The following OR2V1 variants were observed in gnomAD, a reference collection of about 807,000 sequenced individuals.
OR2V1 encodes olfactory receptor 2V1.
Under a neutral mutation model 15.0 loss-of-function variants are expected in OR2V1, and 18 were observed. That is an observed-to-expected ratio of 1.20 (90% CI 0.83 to 1.78). The LOEUF (loss-of-function observed/expected upper bound fraction) is 1.78. Ranked by LOEUF, OR2V1 falls within the 40% of genes most tolerant of loss-of-function variation. The pLI, the probability that OR2V1 is intolerant of heterozygous loss-of-function variation, is 0.00. For synonymous variants in OR2V1, 144 were observed against 146.1 expected (o/e 0.99, Z 0.10); for missense variants, 359 against 392.9 (o/e 0.91, Z 0.73).
intron 1 of OR2V1, chr5:181,130,545 G>T (rs1430839734): frequency 8.1e-5 from 25 of 307,918 alleles, no homozygotes; most frequent in Non-Finnish European, 1.2e-4. Flanking sequence ...CTGGCCAGGT[G>T]GCAGAACCGC....
intron 2 of OR2V1, 98 bp downstream of exon 2, chr5:181,130,075 A>C (rs1762941879): frequency 5.0e-6 from 2 of 398,588 alleles, no homozygotes; most frequent in Non-Finnish European, 8.8e-6. Flanking sequence ...GAGGAAGAGC[A>C]AGTGCTGATG....
chr5:181,126,043 T>C (rs1762867215), intron 3 of OR2V1, among the ~76,000 whole-genome samples: 1 of 152,216 alleles, frequency 6.6e-6, no homozygotes, highest in Admixed American at 6.5e-5. Flanking sequence ...CTTTAGTCTT[T>C]ACTTTGTTCA....
intron 3 of OR2V1, among the ~76,000 whole-genome samples, chr5:181,128,522 C>T (rs1292332256): frequency 1.3e-5 from 2 of 152,230 alleles, no homozygotes; most frequent in Non-Finnish European, 2.9e-5. Flanking sequence ...TTCCACTCTC[C>T]CGGGATTCCC....
At chr5:181,128,571 A>G (rs940635962) in intron 3 of OR2V1, among the ~76,000 whole-genome samples, 8 of 152,028 alleles carry the variant, frequency 5.3e-5, no homozygotes, top group Non-Finnish European at 1.2e-4. Flanking sequence ...CTGCTCCCAC[A>G]CGGCAGGACA....
intron 3 of OR2V1, among the ~76,000 whole-genome samples, 151 bp downstream of exon 3, chr5:181,129,369 A>G (rs1027696930): frequency 6.6e-6 from 1 of 152,184 alleles, no homozygotes; most frequent in Admixed American, 6.5e-5. Context: ...ACTGCACTCC[A>G]GCCTGAATGA....
rs1464143560 is a variant in OR2V1, at chr5:181,123,891, A to G, written c.*466T>C. 1 of 152,818 alleles carries G rather than the reference A, an allele frequency of 6.5e-6. No individual in the cohort carries two copies. The highest frequency in any genetic ancestry group is 1.5e-5 in the Non-Finnish European group (1 of 68,498). The allele number at this position is 152,818 out of a possible 1,614,324, so 9.5% of individuals were successfully genotyped here. A position where few individuals can be genotyped will look rare whatever the true frequency, so the allele number is the denominator to read the frequency against. On this transcript the variant is annotated 3_prime_UTR_variant, in exon 4 of 4. Coordinates refer to ENST00000641551, the MANE Select transcript of OR2V1 (RefSeq NM_001258283.2). ...ATATCCACATTTGTTAGTCTAAGTCATCAATTAAATAATTTAGAAAGAATA... is the reference window on the plus strand; with the variant it reads ...ATATCCACATTTGTTAGTCTAAGTCGTCAATTAAATAATTTAGAAAGAATA...
At chr5:181,126,829 T>TAC (rs899454335) in intron 3 of OR2V1, among the ~76,000 whole-genome samples, 3 of 149,300 alleles carry the variant, frequency 2.0e-5, no homozygotes, top group South Asian at 2.1e-4. Flanking sequence ...CACACGGAAA[T>TAC]ACACACACAC....
chr5:181,127,959 C>T (rs1762901014), intron 3 of OR2V1, among the ~76,000 whole-genome samples: 1 of 151,850 alleles, frequency 6.6e-6, no homozygotes, highest in Non-Finnish European at 1.5e-5. Context: ...TGACTGATGC[C>T]ACTTCTCCCT....
rs1561622445 is a variant in OR2V1 at position 181,124,373 on chromosome 5, A to G, written c.932T>C (p.Ile311Thr). The change falls in exon 4 of 4, where the codon ATT (isoleucine) becomes ACT (threonine). Residue 311 changes from isoleucine (I) to threonine (T), a missense_variant. Physicochemically the swap from Ile to Thr is moderately conservative, Grantham distance 89 (BLOSUM62 -1). Transcript: ENST00000641551. Reference protein sequence around the residue: ...ALRKGLDRCRIGSQH With the variant: ...ALRKGLDRCRTGSQH ...CTCTGGGGTTCAGTGCTGGCTGCCA[A>G]TCCTGCAGCGGTCCAGCCCCTTCCT... is the stretch of plus-strand genomic sequence containing the variant. The G allele has an allele frequency of 1.9e-6, 3 of 1,585,514 alleles. No homozygotes were observed. The highest frequency in any genetic ancestry group is 2.6e-6 in the Non-Finnish European group (3 of 1,165,054).
intron 2 of OR2V1, among the ~76,000 whole-genome samples, 163 bp downstream of exon 2, chr5:181,130,010 T>C (rs1005935348): frequency 9.9e-5 from 15 of 152,148 alleles, no homozygotes. Context: ...AGAAGACGGA[T>C]GCCCCTCCAA....
rs747080216 is a variant in OR2V1 at position 181,124,613 on chromosome 5, G to C, written c.692C>G (p.Ser231Cys). The change falls in exon 4 of 4, where the codon TCT becomes TGT. Residue 231 changes from serine to cysteine, a missense_variant. Coordinates refer to ENST00000641551, the MANE Select transcript of OR2V1 (RefSeq NM_001258283.2). The part of the protein sequence containing the change: ...CILGAVLRIR[S>C]AQAWKKALAT... ...CAGGGCTTTTTTCCAGGCCTGAGCAGAGCGTATTCGGAGCACAGCCCCTAG... is the reference window on the plus strand; with the variant it reads ...CAGGGCTTTTTTCCAGGCCTGAGCACAGCGTATTCGGAGCACAGCCCCTAG... The C allele has an allele frequency of 3.8e-5, 62 of 1,613,834 alleles. No individual in the cohort carries two copies. The highest frequency in any genetic ancestry group is 5.3e-5 in the Non-Finnish European group (62 of 1,179,884).
chr5:181,129,236 T>C (rs1244092774), intron 3 of OR2V1, among the ~76,000 whole-genome samples: 1 of 151,874 alleles, frequency 6.6e-6, no homozygotes, highest in Non-Finnish European at 1.5e-5. Flanking sequence ...GTCTCCAAAA[T>C]AAAAATAAAA....
At chr5:181,126,575 T>G (rs1762874165) in intron 3 of OR2V1, among the ~76,000 whole-genome samples, 1 of 150,146 alleles carries the variant, frequency 6.7e-6, no homozygotes, top group Non-Finnish European at 1.5e-5. Context: ...AAAATACACA[T>G]GCAGAAACAC....
At chr5:181,128,837 T>C (rs1762922678) in intron 3 of OR2V1, among the ~76,000 whole-genome samples, 1 of 152,158 alleles carries the variant, frequency 6.6e-6, no homozygotes, top group African/African-American at 2.4e-5. Context: ...AGAACCCGTG[T>C]TCCCCGGTGC....
intron 1 of OR2V1, chr5:181,130,470 G>A: frequency 2.6e-6 from 1 of 378,818 alleles, no homozygotes; most frequent in Non-Finnish European, 4.7e-6. Context: ...GGCAGGAGAG[G>A]TGGAGCCAGG....
intron 2 of OR2V1, among the ~76,000 whole-genome samples, 187 bp from the exon 3 acceptor site, chr5:181,129,762 C>T (rs188186336): frequency 1.4e-4 from 21 of 152,332 alleles, no homozygotes; most frequent in East Asian, 9.7e-4. Context: ...CTCCCCGGCA[C>T]GGGAGGACCC....
intron 2 of OR2V1, among the ~76,000 whole-genome samples, chr5:181,129,923 G>A (rs1180347098): frequency 1.3e-5 from 2 of 152,174 alleles, no homozygotes; most frequent in Non-Finnish European, 2.9e-5. Context: ...GAAAAGGGGA[G>A]TAGGACACCA....
At position 181,124,510 on chromosome 5, in the gene OR2V1, G is replaced by C. The variant is rs753843560; in HGVS notation, c.795C>G (p.Arg265=). The part of the protein sequence containing the change: ...AAMFMYLRPR[R]YRAPSHDKVA... Reference sequence around the variant, plus strand: ...CCTTGTCATGGCTAGGGGCCCGGTAGCGCCTAGGCCTCAGGTACATGAACA... The same window carrying C: ...CCTTGTCATGGCTAGGGGCCCGGTACCGCCTAGGCCTCAGGTACATGAACA... The change falls in exon 4 of 4, where the codon CGC becomes CGG. Residue 265 remains arginine, a synonymous_variant. Coordinates refer to ENST00000641551, the MANE Select transcript of OR2V1 (RefSeq NM_001258283.2). 1.9e-6 allele frequency: 3 copies of C among 1,613,910 alleles called. No homozygotes were observed. The highest frequency in any genetic ancestry group is 2.5e-6 in the Non-Finnish European group (3 of 1,179,878).
Position 181,130,226 on chromosome 5 carries a change from G to A in OR2V1, c.-120-11C>T, listed in dbSNP as rs1408764776. ...ACTCAGCAGAGTCACCTGTGGAGGAGTTCCTAGCGTCAGAGCCATGCACTC... is the reference window on the plus strand; with the variant it reads ...ACTCAGCAGAGTCACCTGTGGAGGAATTCCTAGCGTCAGAGCCATGCACTC... On this transcript the variant is annotated splice_polypyrimidine_tract_variant and intron_variant, in intron 1 of 3. Transcript: ENST00000641551. 7 of 398,768 alleles carry A rather than the reference G, an allele frequency of 1.8e-5. No homozygotes were observed. Among genetic ancestry groups the A allele is most frequent in the Non-Finnish European group, 2.7e-5 (6 of 226,214 alleles). 24.7% of individuals were successfully genotyped at this position (398,768 alleles called of 1,614,324 possible). A position where few individuals can be genotyped will look rare whatever the true frequency, so the allele number is the denominator to read the frequency against.
Sources: gnomAD v4.1 joint callset for allele counts (sites outside exome capture counted in the v4.1 genomes callset) on GRCh38, gnomAD v4.1.1 for gene constraint, MANE v1.5 for transcripts, NCBI Gene and HGNC (gene_info 2026-07-23, HGNC 2026-07-21) for gene names.